The following DLG2 variants were observed in gnomAD, a reference collection of about 807,000 sequenced individuals.
The protein encoded by DLG2 is discs large MAGUK scaffold protein 2, also known as disks large homolog 2.
A neutral mutation model predicts 132.5 loss-of-function variants in DLG2; 45 were observed. The ratio of observed to expected loss-of-function variants is 0.34; its 90% CI spans 0.27 to 0.44. The LOEUF is 0.44. Among genes scored for constraint, DLG2 ranks in the 20% least tolerant of loss-of-function variants. The probability of loss-of-function intolerance (pLI) is 1.00; values close to 1 mark genes in which losing one functional copy is unlikely to be tolerated. For missense variants in DLG2, 1,045 were observed against 1,196.9 expected (o/e 0.87, Z 1.87); for synonymous variants, 424 against 419.6 (o/e 1.01, Z -0.13).
At chr11:83,708,447 AAAC>A (rs1364137563) in intron 18 of DLG2, among the ~76,000 whole-genome samples, 1 of 152,216 alleles carries the variant, frequency 6.6e-6, no homozygotes, top group Non-Finnish European at 1.5e-5. Context: ...ATCTGACTGT[AAAC>A]AAAGAGGAGA....
chr11:85,106,234 T>C (rs372880430), intron 6 of DLG2, among the ~76,000 whole-genome samples: 2 of 151,890 alleles, frequency 1.3e-5, no homozygotes, highest in Non-Finnish European at 1.5e-5. Context: ...AGTAGGAAGA[T>C]GTTAAAGTGT....
At chr11:84,683,096 G>A (rs771001478) in intron 6 of DLG2, among the ~76,000 whole-genome samples, 11 of 152,184 alleles carry the variant, frequency 7.2e-5, no homozygotes, top group Non-Finnish European at 1.6e-4. Context: ...AATGATGAGT[G>A]TAAGTTATCC....
chr11:84,976,794 TCTA>T (rs1005873878), intron 6 of DLG2, among the ~76,000 whole-genome samples: 44 of 152,282 alleles, frequency 2.9e-4, no homozygotes, highest in African/African-American at 1.0e-3. Context: ...CATTATGAAT[TCTA>T]CTACTAACAG....
chr11:84,251,716 C>T (rs183691908), intron 7 of DLG2, among the ~76,000 whole-genome samples: 69 of 146,360 alleles, frequency 4.7e-4, no homozygotes, highest in African/African-American at 1.7e-3. Flanking sequence ...AATCTCGGCT[C>T]ACTCAGCCTC....
intron 9 of DLG2, among the ~76,000 whole-genome samples, chr11:84,135,546 T>C (rs896400225): frequency 1.3e-5 from 2 of 151,974 alleles, no homozygotes; most frequent in Admixed American, 6.6e-5. Flanking sequence ...AATATCAAGT[T>C]CACATATGAA....
At chr11:85,052,837 C>G (rs534160675) in intron 6 of DLG2, among the ~76,000 whole-genome samples, 5 of 152,246 alleles carry the variant, frequency 3.3e-5, no homozygotes, top group African/African-American at 1.2e-4. Context: ...TGTGAACTGG[C>G]AGGAAAATGG....
intron 18 of DLG2, among the ~76,000 whole-genome samples, chr11:83,718,429 C>A (rs1260682342): frequency 6.9e-6 from 1 of 145,770 alleles, no homozygotes; most frequent in East Asian, 2.0e-4. Flanking sequence ...GAGGTTGAGG[C>A]AGGAGAATTG....
At chr11:85,015,524 A>G (rs1310004240) in intron 6 of DLG2, among the ~76,000 whole-genome samples, 4 of 152,106 alleles carry the variant, frequency 2.6e-5, no homozygotes. Context: ...CCAGTCCTTC[A>G]TAACTGAGTG....
intron 6 of DLG2, among the ~76,000 whole-genome samples, chr11:84,687,543 A>G (rs954437249): frequency 1.3e-5 from 2 of 152,274 alleles, no homozygotes; most frequent in Admixed American, 6.5e-5. Flanking sequence ...TCTTTCCTCC[A>G]GTCTATGCTA....
At chr11:84,684,295 C>G (rs1340618495) in intron 6 of DLG2, among the ~76,000 whole-genome samples, 2 of 151,976 alleles carry the variant, frequency 1.3e-5, no homozygotes, top group Non-Finnish European at 2.9e-5. Context: ...TAATTTTATT[C>G]TTGGTATCAT....
chr11:83,872,189 G>T (rs1372249289), intron 16 of DLG2, among the ~76,000 whole-genome samples: 1 of 152,200 alleles, frequency 6.6e-6, no homozygotes, highest in African/African-American at 2.4e-5. Flanking sequence ...CCTGAACCCA[G>T]AAGGTGGAGG....
At chr11:85,599,348 TTCTCTC>T (rs373131909) in intron 2 of DLG2, among the ~76,000 whole-genome samples, 5 of 147,508 alleles carry the variant, frequency 3.4e-5, no homozygotes, top group Non-Finnish European at 7.5e-5. Flanking sequence ...ACCTCTCTCT[TTCTCTC>T]TCTCTCTCTC....
intron 4 of DLG2, among the ~76,000 whole-genome samples, chr11:85,197,694 C>T (rs1399472047): frequency 6.6e-6 from 1 of 152,144 alleles, no homozygotes; most frequent in Non-Finnish European, 1.5e-5. Context: ...TACCATACCA[C>T]AAGTCCTTTA....
At chr11:84,262,508 A>AT in intron 7 of DLG2, among the ~76,000 whole-genome samples, 1 of 152,076 alleles carries the variant, frequency 6.6e-6, no homozygotes, top group East Asian at 1.9e-4. Flanking sequence ...AATGAATGCA[A>AT]TTTTCATCCT....
Position 84,398,535 on chromosome 11 carries a change from C to A in DLG2, c.519+136035G>T, listed in dbSNP as rs139644565. The stretch of plus-strand genomic sequence containing the variant: ...GTATTTTTTAAGACCCACATCTCAG[C>A]CTTAATATAGGATTTGCAATAAATG... On this transcript the variant is annotated intron_variant, in intron 7 of 27. Transcript: ENST00000376104. Among the ~76,000 whole-genome samples, 43 of 152,270 alleles carry A rather than the reference C, an allele frequency of 2.8e-4. No individual in the cohort carries two copies. In the East Asian group the frequency reaches 7.9e-3, roughly 28 times the overall value.
intron 18 of DLG2, among the ~76,000 whole-genome samples, chr11:83,674,373 C>CTT (rs2077340839): frequency 6.6e-6 from 1 of 152,176 alleles, no homozygotes; most frequent in African/African-American, 2.4e-5. Context: ...AGGAACTCAA[C>CTT]ACACTTACTG....
At chr11:85,261,490 T>G (rs2076938490) in intron 4 of DLG2, among the ~76,000 whole-genome samples, 1 of 151,984 alleles carries the variant, frequency 6.6e-6, no homozygotes. Context: ...GAATTGACCC[T>G]ACCTATGGTT....
At chr11:84,772,532 C>G (rs1183386227) in intron 6 of DLG2, among the ~76,000 whole-genome samples, 4 of 152,098 alleles carry the variant, frequency 2.6e-5, no homozygotes, top group African/African-American at 9.7e-5. Flanking sequence ...CCAAGATTGG[C>G]CACACACTTG....
chr11:83,955,992 C>T (rs2086725934), intron 14 of DLG2, among the ~76,000 whole-genome samples: 1 of 152,084 alleles, frequency 6.6e-6, no homozygotes, highest in Non-Finnish European at 1.5e-5. Flanking sequence ...ACCTTGTGAT[C>T]ATGTGAGTCA....
Sources: gnomAD v4.1 joint callset for allele counts (sites outside exome capture counted in the v4.1 genomes callset) on GRCh38, gnomAD v4.1.1 for gene constraint, MANE v1.5 for transcripts, NCBI Gene and HGNC (gene_info 2026-07-23, HGNC 2026-07-21) for gene names.